The following RAPGEF1 variants were observed in gnomAD, a reference collection of about 807,000 sequenced individuals.
RAPGEF1 encodes the protein CRK SH3-binding GNRP.
In RAPGEF1, 33 loss-of-function variants were observed where a neutral mutation model predicts 143.3. The ratio of observed to expected loss-of-function variants is 0.23; its 90% CI spans 0.17 to 0.31. The LOEUF (loss-of-function observed/expected upper bound fraction) is 0.31, where lower values mean the gene tolerates loss of function less well. Among genes scored for constraint, RAPGEF1 ranks in the 10% least tolerant of loss-of-function variants. The pLI is 1.00. For missense variants in RAPGEF1, 1,199 were observed against 1,645.4 expected (o/e 0.73, Z 4.69); for synonymous variants, 629 against 676.5 (o/e 0.93, Z 1.09).
intron 14 of RAPGEF1, among the ~76,000 whole-genome samples, chr9:131,602,445 C>T (rs541819724): frequency 1.2e-4 from 19 of 152,322 alleles, no homozygotes; most frequent in South Asian, 6.2e-4. Context: ...CCACTCCCCC[C>T]GAGCACAGCC....
Position 131,715,866 on chromosome 9 carries a change from A to C in RAPGEF1, c.61+23904T>G, listed in dbSNP as rs1835829885. 2.4e-5 allele frequency among the ~76,000 whole-genome samples: 3 copies of C among 122,806 alleles called. No individual in the cohort carries two copies. In the South Asian group the frequency reaches 7.4e-4, roughly 30 times the overall value. The allele number at this position is 122,806 out of a possible 152,430, so 80.6% of individuals were successfully genotyped here. A position where few individuals can be genotyped will look rare whatever the true frequency, so the allele number is the denominator to read the frequency against. On this transcript the variant is annotated intron_variant, in intron 1 of 26. Coordinates refer to ENST00000683357, the MANE Select transcript of RAPGEF1 (RefSeq NM_001377935.1). ...GTGACAGAGCGAGACTCCCTCTCAA[A>C]AAAAAAAAAAAAAAAAAGAGGTTAA...
intron 1 of RAPGEF1, among the ~76,000 whole-genome samples, chr9:131,712,366 C>A (rs1835569687): frequency 6.6e-6 from 1 of 152,244 alleles, no homozygotes; most frequent in African/African-American, 2.4e-5. Context: ...CCCCAACATA[C>A]ACACACTGAT....
chr9:131,590,935 G>A (rs1324177462), intron 18 of RAPGEF1, among the ~76,000 whole-genome samples: 1 of 152,180 alleles, frequency 6.6e-6, no homozygotes, highest in Non-Finnish European at 1.5e-5. Context: ...TACACAATAG[G>A]GAGTTATAGA....
chr9:131,738,583 C>T (rs1837563326), intron 1 of RAPGEF1, among the ~76,000 whole-genome samples: 1 of 152,218 alleles, frequency 6.6e-6, no homozygotes, highest in Admixed American at 6.5e-5. Flanking sequence ...CGCCCTCTTG[C>T]TGTCTGGACA....
intron 18 of RAPGEF1, among the ~76,000 whole-genome samples, chr9:131,591,574 G>T (rs908209165): frequency 5.3e-5 from 8 of 151,808 alleles, no homozygotes; most frequent in Admixed American, 5.2e-4. Flanking sequence ...TAGATCTGGG[G>T]ACAGGAGCCC....
At chr9:131,634,731 A>G (rs1965876843) in intron 5 of RAPGEF1, among the ~76,000 whole-genome samples, 2 of 151,274 alleles carry the variant, frequency 1.3e-5, no homozygotes, top group African/African-American at 2.4e-5. Flanking sequence ...AAAAAAAAAA[A>G]AAAAAAAAGA....
rs117847501 is a variant in RAPGEF1, at chr9:131,598,395, G to A, written c.2502-85C>T. ...AGGCCAAGGCAGTGCCGGTGTGCAC[G>A]GCTCGAAACCGCTCCCGGAACATGC... On this transcript the variant is annotated intron_variant, in intron 15 of 26. Coordinates refer to ENST00000683357, the MANE Select transcript of RAPGEF1 (RefSeq NM_001377935.1). 7,260 of 1,146,724 alleles carry A rather than the reference G, an allele frequency of 6.3e-3. 39 individuals are homozygous for A. The highest frequency in any genetic ancestry group is 8.4e-3 in the Non-Finnish European group (6,541 of 777,718). 71.0% of individuals were successfully genotyped at this position (1,146,724 alleles called of 1,614,324 possible).
At chr9:131,640,976 A>G (rs953124380) in intron 4 of RAPGEF1, among the ~76,000 whole-genome samples, 1 of 152,124 alleles carries the variant, frequency 6.6e-6, no homozygotes, top group South Asian at 2.1e-4. Flanking sequence ...ACCATATTTC[A>G]TGGGTCCTTA....
At chr9:131,612,437 G>A (rs1376648159) in intron 12 of RAPGEF1, among the ~76,000 whole-genome samples, 3 of 151,596 alleles carry the variant, frequency 2.0e-5, no homozygotes, top group Admixed American at 1.3e-4. Flanking sequence ...GCATCAGAGT[G>A]GTTGCTTTTG....
chr9:131,728,302 G>C (rs1836804607), intron 1 of RAPGEF1, among the ~76,000 whole-genome samples: 1 of 152,200 alleles, frequency 6.6e-6, no homozygotes, highest in South Asian at 2.1e-4. Flanking sequence ...TGTCACAAAT[G>C]CAACACTCTG....
intron 3 of RAPGEF1, among the ~76,000 whole-genome samples, chr9:131,648,253 T>A (rs940225427): frequency 1.3e-5 from 2 of 152,006 alleles, no homozygotes; most frequent in African/African-American, 4.8e-5. Flanking sequence ...TAGCCAGGCG[T>A]GGTAGAGGAC....
chr9:131,623,849 T>C (rs1564551925), intron 10 of RAPGEF1, among the ~76,000 whole-genome samples: 1 of 152,254 alleles, frequency 6.6e-6, no homozygotes, highest in Non-Finnish European at 1.5e-5. Context: ...GTGCATGAAC[T>C]CAGGCCAGCG....
chr9:131,650,060 C>T lies in RAPGEF1; in HGVS notation c.315+69G>A, dbSNP rs1970700357. 2 of 1,333,252 alleles carry T rather than the reference C, an allele frequency of 1.5e-6. No homozygotes were observed. Among genetic ancestry groups the T allele is most frequent in the African/African-American group, 1.5e-5 (1 of 68,120 alleles). 82.6% of individuals were successfully genotyped at this position (1,333,252 alleles called of 1,614,324 possible). Reference sequence around the variant, plus strand: ...AGTGCAATAGAGTTTTTTCCATCCCCAAAACCATGGACCAGGATTCTGCAG... The same window carrying T: ...AGTGCAATAGAGTTTTTTCCATCCCTAAAACCATGGACCAGGATTCTGCAG... On this transcript the variant is annotated intron_variant, in intron 3 of 26. Transcript: ENST00000683357. The surrounding 1 kb of genome is among the most constrained non-coding windows in gnomAD (Gnocchi z 4.7).
intron 1 of RAPGEF1, among the ~76,000 whole-genome samples, chr9:131,731,268 T>C (rs1366646956): frequency 6.6e-6 from 1 of 152,182 alleles, no homozygotes; most frequent in African/African-American, 2.4e-5. Flanking sequence ...GGTAAGTGCC[T>C]AATGAACATC....
chr9:131,649,565 A>T (rs546354524), intron 3 of RAPGEF1, among the ~76,000 whole-genome samples: 1 of 152,192 alleles, frequency 6.6e-6, no homozygotes, highest in East Asian at 1.9e-4. Flanking sequence ...CCTTTTTGGC[A>T]AAATAACTTT....
In RAPGEF1 at chr9:131,627,896, G is replaced by A. The variant is rs1191378426; in HGVS notation, c.1201+17C>T. The A allele has an allele frequency of 1.9e-6, 3 of 1,570,814 alleles. No individual in the cohort carries two copies. Among genetic ancestry groups the A allele is most frequent in the African/African-American group, 1.4e-5 (1 of 74,068 alleles). On this transcript the variant is annotated intron_variant, in intron 9 of 26. Coordinates refer to ENST00000683357, the MANE Select transcript of RAPGEF1 (RefSeq NM_001377935.1). ...GCCACCGAGACACGATGGAACAGGA[G>A]GATGGTGGCGGCTCACCTAGTGTTT...
At position 131,650,082 on chromosome 9, in the gene RAPGEF1, G is replaced by A. The variant is rs752137646; in HGVS notation, c.315+47C>T. The stretch of plus-strand genomic sequence containing the variant: ...CCCCAAAACCATGGACCAGGATTCT[G>A]CAGTAGAAGGCAAGGCAAACCCAAT... On this transcript the variant is annotated intron_variant, in intron 3 of 26. Transcript: ENST00000683357. The surrounding 1 kb of genome is among the most constrained non-coding windows in gnomAD (Gnocchi z 4.7). 7 of 1,452,582 alleles carry A rather than the reference G, an allele frequency of 4.8e-6. No individual in the cohort carries two copies. The highest frequency in any genetic ancestry group is 2.8e-5 in the African/African-American group (2 of 71,250). The allele number at this position is 1,452,582 out of a possible 1,614,324, so 90.0% of individuals were successfully genotyped here.
intron 6 of RAPGEF1, among the ~76,000 whole-genome samples, chr9:131,629,561 C>T (rs912153681): frequency 2.0e-5 from 3 of 152,174 alleles, no homozygotes; most frequent in South Asian, 4.2e-4. Context: ...GAGGTCAAGG[C>T]GGGCAGATCA....
rs1004396997 is a variant in RAPGEF1 at position 131,584,021 on chromosome 9, C to T, written c.3414+290G>A. Among the ~76,000 whole-genome samples, 12 of 152,286 alleles carry T rather than the reference C, an allele frequency of 7.9e-5. No homozygotes were observed. The highest frequency in any genetic ancestry group is 1.9e-4 in the African/African-American group (8 of 41,554). ...ACCCTTCAGAAGAACGGGCTGAGGG[C>T]GGGCGGGGGAGGCGGGAACCCAGGG... is the stretch of plus-strand genomic sequence containing the variant. On this transcript the variant is annotated intron_variant, in intron 24 of 26. Coordinates refer to ENST00000683357, the MANE Select transcript of RAPGEF1 (RefSeq NM_001377935.1). The surrounding 1 kb of genome is among the most constrained non-coding windows in gnomAD (Gnocchi z 6.8).
Sources: gnomAD v4.1 joint callset for allele counts (sites outside exome capture counted in the v4.1 genomes callset) on GRCh38, gnomAD v4.1.1 for gene constraint, Gnocchi (gnomAD v3.1) non-coding constraint, MANE v1.5 for transcripts, NCBI Gene and HGNC (gene_info 2026-07-23, HGNC 2026-07-21) for gene names.